The following SC5D variants were observed in gnomAD, a reference collection of about 807,000 sequenced individuals.
The protein encoded by SC5D is sterol-C5-desaturase, also known as lathosterol oxidase.
A neutral mutation model predicts 23.9 loss-of-function variants in SC5D; 21 were observed. That is an observed-to-expected ratio of 0.88 (90% CI 0.62 to 1.26). The LOEUF (loss-of-function observed/expected upper bound fraction) is 1.26. Among genes scored for constraint, SC5D ranks in the 50% most tolerant of loss-of-function variants. SC5D has a pLI of 0.00. For missense variants in SC5D, 309 were observed against 364.8 expected, an observed-to-expected ratio of 0.85 and a Z score of 1.25; for synonymous variants, 113 against 125.9, an observed-to-expected ratio of 0.90 and a Z score of 0.68.
chr11:121,304,722 T>C (rs1417675713), intron 3 of SC5D: 1 of 490,814 alleles, frequency 2.0e-6, no homozygotes, highest in Non-Finnish European at 3.7e-6. Flanking sequence ...TGGCGGAAGA[T>C]TGGAGTGATC....
At position 121,313,264 on chromosome 11, in the gene SC5D, C is replaced by T. The variant is rs934730197; in HGVS notation, c.*5752C>T. Among the ~76,000 whole-genome samples, 1 of 152,072 alleles carries T rather than the reference C, an allele frequency of 6.6e-6. No individual in the cohort carries two copies. Among genetic ancestry groups the T allele is most frequent in the Admixed American group, 6.6e-5 (1 of 15,264 alleles). On this transcript the variant is annotated 3_prime_UTR_variant, in exon 5 of 5. Transcript: ENST00000264027. Reference sequence around the variant, plus strand: ...ACATGTTTAGAGATATTTGCTGTTGCCTGTGTCTGTAGCTTTTTGTTTTCA... The same window carrying T: ...ACATGTTTAGAGATATTTGCTGTTGTCTGTGTCTGTAGCTTTTTGTTTTCA...
At chr11:121,303,292 T>C (rs1014513138) in intron 1 of SC5D, 74 bp from the exon 2 acceptor site, 22 of 1,123,574 alleles carry the variant, frequency 2.0e-5, no homozygotes, top group Middle Eastern at 1.9e-4. Context: ...ACTTGAGATA[T>C]AGTGTTTCTG....
chr11:121,304,891 A>T (rs1218553936), intron 3 of SC5D: 2 of 226,212 alleles, frequency 8.8e-6, no homozygotes, highest in African/African-American at 4.6e-5. Context: ...ACAACCACCC[A>T]CTTTTCTGTG....
At chr11:121,296,381 CCTGT>C (rs1159245369) in intron 1 of SC5D, among the ~76,000 whole-genome samples, 1 of 152,210 alleles carries the variant, frequency 6.6e-6, no homozygotes, top group Non-Finnish European at 1.5e-5. Flanking sequence ...ACCCCATCAC[CCTGT>C]CTAACACCCA....
chr11:121,311,747 C>T lies in SC5D; in HGVS notation c.*4235C>T, dbSNP rs2134274698. On this transcript the variant is annotated 3_prime_UTR_variant, in exon 5 of 5. Transcript: ENST00000264027. ...GTAAATTGATTAAAACACTGCCTATCTAATAAGATTAAATAAGTTAGAAGC... is the reference window on the plus strand; with the variant it reads ...GTAAATTGATTAAAACACTGCCTATTTAATAAGATTAAATAAGTTAGAAGC... Among the ~76,000 whole-genome samples the T allele has an allele frequency of 6.6e-6, 1 of 152,318 alleles. No homozygotes were observed. The highest frequency in any genetic ancestry group is 2.1e-4 in the South Asian group (1 of 4,828).
chr11:121,297,481 C>T (rs1947897443), intron 1 of SC5D, among the ~76,000 whole-genome samples: 1 of 152,166 alleles, frequency 6.6e-6, no homozygotes, highest in Non-Finnish European at 1.5e-5. Context: ...CTCTCAAAAT[C>T]ATTTGATGAC....
At chr11:121,306,932 GAATA>G (rs1947970108) in intron 4 of SC5D, 121 bp from the exon 5 acceptor site, 24 of 832,848 alleles carry the variant, frequency 2.9e-5, no homozygotes, top group African/African-American at 6.7e-5. Context: ...ACATTTTATA[GAATA>G]AATAATTTTG....
At position 121,307,005 on chromosome 11, in the gene SC5D, A is replaced by G. The variant is rs555910739; in HGVS notation, c.445-52A>G. The G allele has an allele frequency of 8.9e-6, 13 of 1,463,614 alleles. No individual in the cohort carries two copies. The South Asian group carries it at 1.0e-4, about 11-fold the overall frequency. The allele number at this position is 1,463,614 out of a possible 1,614,324, so 90.7% of individuals were successfully genotyped here. A position where few individuals can be genotyped will look rare whatever the true frequency, so the allele number is the denominator to read the frequency against. ...ACATGAGTGTGAGAAGCTAAGTTGA[A>G]TGTTGCACGGGGTAAAGTTTGCAGT... On this transcript the variant is annotated intron_variant, in intron 4 of 4. Coordinates refer to ENST00000264027, the MANE Select transcript of SC5D (RefSeq NM_006918.5).
intron 1 of SC5D, among the ~76,000 whole-genome samples, chr11:121,296,912 A>G (rs1323279189): frequency 6.6e-6 from 1 of 152,250 alleles, no homozygotes; most frequent in Admixed American, 6.5e-5. Context: ...TTTTATAAAG[A>G]TACTAAAAAC....
chr11:121,303,496 G>T lies in SC5D; in HGVS notation c.121G>T (p.Gly41Cys), dbSNP rs534057534. The change falls in exon 2 of 5, where the codon GGT becomes TGT. Residue 41 changes from glycine (G) to cysteine (C), a missense_variant. Coordinates refer to ENST00000264027, the MANE Select transcript of SC5D (RefSeq NM_006918.5). Reference sequence around the variant, plus strand: ...TAGTCTTCTGATTGTAACAAATGTTGGTGCTTACATCCTTTATTTCTTCTG... The same window carrying T: ...TAGTCTTCTGATTGTAACAAATGTTTGTGCTTACATCCTTTATTTCTTCTG... The part of the protein sequence containing the change: ...AISLLIVTNV[G>C]AYILYFFCAT... 2 of 1,613,648 alleles carry T rather than the reference G, an allele frequency of 1.2e-6. No homozygotes were observed. The highest frequency in any genetic ancestry group is 1.7e-6 in the Non-Finnish European group (2 of 1,179,856).
intron 1 of SC5D, among the ~76,000 whole-genome samples, chr11:121,293,270 G>A (rs1466421375): frequency 6.6e-6 from 1 of 152,236 alleles, no homozygotes; most frequent in Admixed American, 6.5e-5. Context: ...AGTGTTTGAT[G>A]TTGGGTGTTG....
rs1211942250 is a variant in SC5D, at chr11:121,309,201, C to G, written c.*1689C>G. On this transcript the variant is annotated 3_prime_UTR_variant, in exon 5 of 5. Transcript: ENST00000264027. Reference sequence around the variant, plus strand: ...GCTTTCCACCTAGTCTTTCTGCGACCCAGGCTCCTTCCTCTTGGGGCTCTG... The same window carrying G: ...GCTTTCCACCTAGTCTTTCTGCGACGCAGGCTCCTTCCTCTTGGGGCTCTG... Among the ~76,000 whole-genome samples the G allele has an allele frequency of 6.6e-6, 1 of 152,178 alleles. No homozygotes were observed. Among genetic ancestry groups the G allele is most frequent in the Non-Finnish European group, 1.5e-5 (1 of 68,028 alleles).
intron 3 of SC5D, chr11:121,305,866 A>T (rs1947960541): frequency 6.2e-6 from 1 of 160,474 alleles, no homozygotes; most frequent in African/African-American, 2.4e-5. Context: ...CCCTATGATG[A>T]AAGATACAGA....
At position 121,309,704 on chromosome 11, in the gene SC5D, C is replaced by T. The variant is rs1189396456; in HGVS notation, c.*2192C>T. ...ATAATCAAACTTGCCCCTGCCCTTT[C>T]ACCCGTCTCAAATTCTGGTCTTTTA... On this transcript the variant is annotated 3_prime_UTR_variant, in exon 5 of 5. Transcript: ENST00000264027. Among the ~76,000 whole-genome samples, 1 of 152,216 alleles carries T rather than the reference C, an allele frequency of 6.6e-6. No homozygotes were observed. The highest frequency in any genetic ancestry group is 2.4e-5 in the African/African-American group (1 of 41,452).
At chr11:121,304,273 T>G (rs1293542092) in intron 2 of SC5D, 88 bp from the exon 3 acceptor site, 12 of 1,264,228 alleles carry the variant, frequency 9.5e-6, no homozygotes, top group Non-Finnish European at 1.2e-5. Flanking sequence ...GTAAAAGAGA[T>G]TTTAAAAATC....
chr11:121,306,499 G>T lies in SC5D; in HGVS notation c.444+13G>T, dbSNP rs1355161184. On this transcript the variant is annotated intron_variant, in intron 4 of 4. Coordinates refer to ENST00000264027, the MANE Select transcript of SC5D (RefSeq NM_006918.5). The stretch of plus-strand genomic sequence containing the variant: ...ACTGGTATATAAGGTAAAGTCATTT[G>T]TGGTGAAAAGAGAAAAAAGGTTACA... The T allele has an allele frequency of 1.6e-6, 2 of 1,220,246 alleles. No homozygotes were observed. Among genetic ancestry groups the T allele is most frequent in the East Asian group, 4.6e-5 (2 of 43,022 alleles). 75.6% of individuals were successfully genotyped at this position (1,220,246 alleles called of 1,614,324 possible).
At chr11:121,306,509 G>A (rs1256679184) in intron 4 of SC5D, 23 bp downstream of exon 4, 2 of 1,120,430 alleles carry the variant, frequency 1.8e-6, no homozygotes, top group Middle Eastern at 2.0e-4. Context: ...GTGGTGAAAA[G>A]AGAAAAAAGG....
chr11:121,307,508 A>G lies in SC5D; in HGVS notation c.896A>G (p.Glu299Gly). The change falls in exon 5 of 5, where the codon GAA becomes GGA. Residue 299 changes from glutamate (E) to glycine (G), a missense_variant. Glu to Gly is a moderately conservative substitution (Grantham distance 98). Coordinates refer to ENST00000264027, the MANE Select transcript of SC5D (RefSeq NM_006918.5). ...TTCAATGGAGAGTTTACAAAGACTG[A>G]ATAGATTATTGCCCAGTTATTCTTA... Reference protein sequence around the residue: ...KLFNGEFTKTE With the variant: ...KLFNGEFTKTG 6.3e-7 allele frequency: 1 copy of G among 1,583,300 alleles called. No individual in the cohort carries two copies. Among genetic ancestry groups the G allele is most frequent in the Non-Finnish European group, 8.6e-7 (1 of 1,161,500 alleles).
rs560438509 is a variant in SC5D at position 121,312,825 on chromosome 11, GC to G, written c.*5319del. 7.7e-4 allele frequency among the ~76,000 whole-genome samples: 117 copies of G among 151,824 alleles called. No homozygotes were observed. Among genetic ancestry groups the G allele is most frequent in the South Asian group, 2.7e-3 (13 of 4,806 alleles). On this transcript the variant is annotated 3_prime_UTR_variant, in exon 5 of 5. Coordinates refer to ENST00000264027, the MANE Select transcript of SC5D (RefSeq NM_006918.5). The stretch of plus-strand genomic sequence containing the variant: ...AAGCCATTTATTTAGATGTAAACTT[GC>G]CCCCCTGACATGTGGTATGAAACAA...
Sources: gnomAD v4.1 joint callset for allele counts (sites outside exome capture counted in the v4.1 genomes callset) on GRCh38, gnomAD v4.1.1 for gene constraint, MANE v1.5 for transcripts, NCBI Gene and HGNC (gene_info 2026-07-23, HGNC 2026-07-21) for gene names.